Variants in FUZ observed in about 807,000 individuals in gnomAD.
FUZ encodes the protein fuzzy planar cell polarity protein.
A neutral mutation model predicts 43.1 loss-of-function variants in FUZ; 31 were observed. That is an observed-to-expected ratio of 0.72 (90% CI 0.54 to 0.97). FUZ has a LOEUF of 0.97. FUZ is among the 50% of genes least tolerant of loss of function. The probability of loss-of-function intolerance (pLI) is 0.00; values close to 1 mark genes in which losing one functional copy is unlikely to be tolerated. For missense variants in FUZ, 539 were observed against 543.8 expected (o/e 0.99, Z 0.09); for synonymous variants, 274 against 250.0 (o/e 1.10, Z -0.91).
At chr19:49,812,442 C>G (rs1443332950) in intron 2 of FUZ, 107 bp from the exon 3 acceptor site, 3 of 1,301,024 alleles carry the variant, frequency 2.3e-6, no homozygotes. Flanking sequence ...CTCTCTCAGA[C>G]CAACCTGCCT....
rs1044816557 is a variant in FUZ, at chr19:49,809,106, G to A, written c.786+57C>T. ...GCTGGCAGGGCAGGGTGGTGGGGAA[G>A]GGCCCTCCTGGTAGCGGGTGTCCTA... is the stretch of plus-strand genomic sequence containing the variant. On this transcript the variant is annotated intron_variant, in intron 7 of 10. Transcript: ENST00000313777. The surrounding 1 kb of genome is among the most constrained non-coding windows in gnomAD (Gnocchi z 5.1). 3.4e-6 allele frequency: 5 copies of A among 1,470,466 alleles called. No individual in the cohort carries two copies. The African/African-American group carries it at 5.6e-5, about 16-fold the overall frequency. 91.1% of individuals were successfully genotyped at this position (1,470,466 alleles called of 1,614,324 possible).
In FUZ at chr19:49,807,273, G is replaced by A. The variant is rs200311325; in HGVS notation, c.1135C>T (p.Arg379Cys). 87 of 1,613,248 alleles carry A rather than the reference G, an allele frequency of 5.4e-5. No individual in the cohort carries two copies. Among genetic ancestry groups the A allele is most frequent in the South Asian group, 1.2e-4 (11 of 91,052 alleles). ...LGTEEPGTGV[R>C]LVALQLGLRR... ...AGCCCCAGCTGCAAGGCCACCAGAC[G>A]CACTCCTGTGCCTGGTTCCTCAGTC... The change falls in exon 11 of 11, where the codon CGT (arginine) becomes TGT (cysteine). Residue 379 changes from arginine (R) to cysteine (C), a missense_variant. By Grantham distance (180) the Arg-to-Cys change is radical (BLOSUM62 -3). Coordinates refer to ENST00000313777, the MANE Select transcript of FUZ (RefSeq NM_025129.5).
chr19:49,812,614 C>T lies in FUZ; in HGVS notation c.233+1G>A, dbSNP rs766779332. 6.2e-6 allele frequency: 10 copies of T among 1,614,022 alleles called. No individual in the cohort carries two copies. The East Asian group carries it at 1.8e-4, about 29-fold the overall frequency. ...CCTGTCCCACGTTCCCTCCTGGGGA[C>T]CTGTCATGGAAGCTTTTCCACACCA... On this transcript the variant is annotated splice_donor_variant, in intron 2 of 10. Coordinates refer to ENST00000313777, the MANE Select transcript of FUZ (RefSeq NM_025129.5). LOFTEE classifies it high-confidence loss of function.
chr19:49,810,605 G>C (rs1834040070), intron 5 of FUZ, among the ~76,000 whole-genome samples: 2 of 150,778 alleles, frequency 1.3e-5, no homozygotes, highest in African/African-American at 4.9e-5. Context: ...TTTGAACCCA[G>C]GAGGCAGAGG....
Position 49,813,256 on chromosome 19 carries a change from C to A in FUZ, c.-150G>T. The A allele has an allele frequency of 1.3e-6, 1 of 757,568 alleles. No homozygotes were observed. Among genetic ancestry groups the A allele is most frequent in the Non-Finnish European group, 2.3e-6 (1 of 432,248 alleles). The allele number at this position is 757,568 out of a possible 1,614,324, so 46.9% of individuals were successfully genotyped here. ...AAGAGGATTAACTTCCCGCCTTCTTCACCCAACTCAAACAGACCCTCAAAC... is the reference window on the plus strand; with the variant it reads ...AAGAGGATTAACTTCCCGCCTTCTTAACCCAACTCAAACAGACCCTCAAAC... On this transcript the variant is annotated 5_prime_UTR_variant, in exon 1 of 11. Coordinates refer to ENST00000313777, the MANE Select transcript of FUZ (RefSeq NM_025129.5).
At chr19:49,810,977 C>T (rs1019696541) in intron 5 of FUZ, 58 of 354,926 alleles carry the variant, frequency 1.6e-4, no homozygotes, top group African/African-American at 9.9e-4. Context: ...TGGTGAAACC[C>T]TGTCTCTACT....
rs754331628 is a variant in FUZ at position 49,811,716 on chromosome 19, G to C, written c.319-17C>G. On this transcript the variant is annotated splice_polypyrimidine_tract_variant and intron_variant, in intron 3 of 10. Transcript: ENST00000313777. ...AAGAAGGACCTAGAAGAATCATATA[G>C]GAGAGGATGGGCGAGGGGCTGGGAC... is the stretch of plus-strand genomic sequence containing the variant. 1 of 1,603,628 alleles carries C rather than the reference G, an allele frequency of 6.2e-7. No homozygotes were observed. The highest frequency in any genetic ancestry group is 1.1e-5 in the South Asian group (1 of 90,838).
chr19:49,807,401 A>G lies in FUZ; in HGVS notation c.1034-27T>C, dbSNP rs373906102. Reference sequence around the variant, plus strand: ...TGGAGAAAGAACAGGGGGCACTGACATGACAAGTAGCATGCTAACCTTTGC... The same window carrying G: ...TGGAGAAAGAACAGGGGGCACTGACGTGACAAGTAGCATGCTAACCTTTGC... On this transcript the variant is annotated intron_variant, in intron 10 of 10. Coordinates refer to ENST00000313777, the MANE Select transcript of FUZ (RefSeq NM_025129.5). 9 of 1,589,512 alleles carry G rather than the reference A, an allele frequency of 5.7e-6. No homozygotes were observed. The African/African-American group carries it at 8.1e-5, about 14-fold the overall frequency.
At chr19:49,811,094 T>G in intron 5 of FUZ, 1 of 509,078 alleles carries the variant, frequency 2.0e-6, no homozygotes, top group Non-Finnish European at 3.6e-6. Flanking sequence ...CAGGCTGCAG[T>G]GAGCCGAGAT....
At chr19:49,813,399 G>C (rs1370010716), upstream of FUZ, 5 of 494,616 alleles carry the variant, frequency 1.0e-5, no homozygotes, top group East Asian at 1.6e-4. Context: ...GTTTCTCCGA[G>C]GAGGTAAAGA....
At position 49,808,226 on chromosome 19, in the gene FUZ, C is replaced by A. The variant is rs1006823480; in HGVS notation, c.1033+188G>T. The A allele has an allele frequency of 7.4e-6, 5 of 674,472 alleles. No individual in the cohort carries two copies. In the South Asian group the frequency reaches 8.2e-5, roughly 11 times the overall value. The allele number at this position is 674,472 out of a possible 1,614,324, so 41.8% of individuals were successfully genotyped here. On this transcript the variant is annotated intron_variant, in intron 10 of 10. Coordinates refer to ENST00000313777, the MANE Select transcript of FUZ (RefSeq NM_025129.5). Reference sequence around the variant, plus strand: ...TGATCCAGGAGATTCTGAAGCCAGGCGGGGACCTCCCTTCCCCTCCCTTCC... The same window carrying A: ...TGATCCAGGAGATTCTGAAGCCAGGAGGGGACCTCCCTTCCCCTCCCTTCC...
chr19:49,808,700 C>T lies in FUZ; in HGVS notation c.893+17G>A, dbSNP rs375035212. 1 of 1,599,728 alleles carries T rather than the reference C, an allele frequency of 6.3e-7. No individual in the cohort carries two copies. The highest frequency in any genetic ancestry group is 1.3e-5 in the African/African-American group (1 of 74,760). The stretch of plus-strand genomic sequence containing the variant: ...GAGGACATGACCCCCGACCCACTCC[C>T]TCCATCCGAGCCCTACCCGAGGATG... On this transcript the variant is annotated intron_variant, in intron 8 of 10. Transcript: ENST00000313777.
rs780706540 is a variant in FUZ, at chr19:49,811,712, TATAGG to T, written c.319-18_319-14del. On this transcript the variant is annotated splice_polypyrimidine_tract_variant and intron_variant, in intron 3 of 10. Coordinates refer to ENST00000313777, the MANE Select transcript of FUZ (RefSeq NM_025129.5). ...CCACAAGAAGGACCTAGAAGAATCA[TATAGG>T]AGAGGATGGGCGAGGGGCTGGGACT... is the stretch of plus-strand genomic sequence containing the variant. The T allele has an allele frequency of 5.6e-6, 9 of 1,609,838 alleles. No individual in the cohort carries two copies. Among genetic ancestry groups the T allele is most frequent in the Non-Finnish European group, 7.7e-6 (9 of 1,176,152 alleles).
At position 49,806,978 on chromosome 19, in the gene FUZ, C is replaced by A. The variant is rs1212118149; in HGVS notation, c.*173G>T. On this transcript the variant is annotated 3_prime_UTR_variant, in exon 11 of 11. Coordinates refer to ENST00000313777, the MANE Select transcript of FUZ (RefSeq NM_025129.5). The stretch of plus-strand genomic sequence containing the variant: ...GAGTCCCCCTCCCTCCCTTTCCCCC[C>A]CAAGCACAGAGGGGAGAGGGGCCAG... The A allele has an allele frequency of 6.5e-7, 1 of 1,530,528 alleles. No homozygotes were observed. The highest frequency in any genetic ancestry group is 8.7e-7 in the Non-Finnish European group (1 of 1,144,484). 94.8% of individuals were successfully genotyped at this position (1,530,528 alleles called of 1,614,324 possible).
intron 10 of FUZ, 36 bp from the exon 11 acceptor site, chr19:49,807,410 A>G: frequency 6.4e-7 from 1 of 1,572,892 alleles, no homozygotes; most frequent in Non-Finnish European, 8.6e-7. Context: ...CATGACAAGT[A>G]GCATGCTAAC....
chr19:49,809,732 C>G lies in FUZ; in HGVS notation c.493-157G>C, dbSNP rs924682654. ...GTCTCACCCTCTCTGAGCCTGAGTT[C>G]CTTCACTTTCATACGAAGTCACATC... On this transcript the variant is annotated intron_variant, in intron 5 of 10. Coordinates refer to ENST00000313777, the MANE Select transcript of FUZ (RefSeq NM_025129.5). The surrounding 1 kb of genome is among the most constrained non-coding windows in gnomAD (Gnocchi z 5.1). 1 of 706,992 alleles carries G rather than the reference C, an allele frequency of 1.4e-6. No individual in the cohort carries two copies. Among genetic ancestry groups the G allele is most frequent in the Non-Finnish European group, 2.4e-6 (1 of 410,852 alleles). 43.8% of individuals were successfully genotyped at this position (706,992 alleles called of 1,614,324 possible). A position where few individuals can be genotyped will look rare whatever the true frequency, so the allele number is the denominator to read the frequency against.
rs781173623 is a variant in FUZ, at chr19:49,809,137, G to A, written c.786+26C>T. 1 of 1,548,114 alleles carries A rather than the reference G, an allele frequency of 6.5e-7. No individual in the cohort carries two copies. Among genetic ancestry groups the A allele is most frequent in the Non-Finnish European group, 8.7e-7 (1 of 1,144,804 alleles). On this transcript the variant is annotated intron_variant, in intron 7 of 10. Transcript: ENST00000313777. This position sits in a 1 kb window ranked among gnomAD's most constrained non-coding sequence, Gnocchi z 5.1. The stretch of plus-strand genomic sequence containing the variant: ...TCCTGGTAGCGGGTGTCCTAAGAGC[G>A]AAAGCGGGACGTGGCGCGGGTTCAC...
intron 10 of FUZ, 141 bp from the exon 11 acceptor site, chr19:49,807,515 G>A: frequency 1.2e-6 from 1 of 806,870 alleles, no homozygotes; most frequent in East Asian, 2.7e-5. Flanking sequence ...GAGGGCCTCG[G>A]GGCTCTAGCT....
At chr19:49,811,760 A>G in intron 3 of FUZ, 61 bp from the exon 4 acceptor site, 1 of 1,363,874 alleles carries the variant, frequency 7.3e-7, no homozygotes, top group Non-Finnish European at 1.0e-6. Flanking sequence ...CTGGGTCTGA[A>G]GGAAGAGGGG....
Sources: allele counts gnomAD v4.1 joint callset (sites outside exome capture counted in the v4.1 genomes callset), GRCh38; gene constraint gnomAD v4.1.1; non-coding constraint Gnocchi (gnomAD v3.1); transcripts MANE v1.5; gene names NCBI Gene and HGNC (gene_info 2026-07-23, HGNC 2026-07-21).